Variants in WASHC4 observed in about 807,000 individuals in gnomAD.
The protein encoded by WASHC4 is WASH complex subunit 4.
In WASHC4, 86 loss-of-function variants were observed where a neutral mutation model predicts 166.6. That is an observed-to-expected ratio of 0.52 (90% CI 0.43 to 0.62). The LOEUF (loss-of-function observed/expected upper bound fraction) is 0.62. Ranked by LOEUF, WASHC4 falls within the 20% of genes least tolerant of loss-of-function variation. The probability of loss-of-function intolerance (pLI) is 0.00; values close to 1 mark genes in which losing one functional copy is unlikely to be tolerated. For missense variants in WASHC4, 1,262 were observed against 1,382.4 expected, an observed-to-expected ratio of 0.91 and a Z score of 1.38; for synonymous variants, 446 against 451.6, an observed-to-expected ratio of 0.99 and a Z score of 0.16.
intron 28 of WASHC4, 28 bp downstream of exon 28, chr12:105,157,350 G>C: frequency 7.7e-7 from 1 of 1,296,260 alleles, no homozygotes; most frequent in Non-Finnish European, 1.1e-6. Context: ...ATATAAAAAA[G>C]TGTGTTTATA....
chr12:105,120,824 A>T (rs1286104205), intron 8 of WASHC4, among the ~76,000 whole-genome samples: 1 of 152,186 alleles, frequency 6.6e-6, no homozygotes, highest in Non-Finnish European at 1.5e-5. Context: ...GCCGTAATGC[A>T]GATTCTCTAA....
At chr12:105,114,738 A>G (rs1268938670) in intron 4 of WASHC4, among the ~76,000 whole-genome samples, 2 of 152,094 alleles carry the variant, frequency 1.3e-5, no homozygotes, top group African/African-American at 4.8e-5. Flanking sequence ...ACAAACCTCC[A>G]GAGTTTGTGT....
chr12:105,159,242 G>T (rs79948267), intron 28 of WASHC4, among the ~76,000 whole-genome samples: 2,368 of 152,280 alleles, frequency 0.016, 18 homozygotes, highest in Non-Finnish European at 0.023. Context: ...CAGAGAGTAG[G>T]ATATTGTCTT....
chr12:105,161,494 A>G (rs1362526670), intron 29 of WASHC4, among the ~76,000 whole-genome samples: 3 of 152,244 alleles, frequency 2.0e-5, no homozygotes, highest in Non-Finnish European at 4.4e-5. Flanking sequence ...CATTGTAGAC[A>G]GCAGTTAACC....
intron 15 of WASHC4, among the ~76,000 whole-genome samples, chr12:105,138,215 T>G (rs1455451630): frequency 6.6e-6 from 1 of 151,914 alleles, no homozygotes; most frequent in Non-Finnish European, 1.5e-5. Flanking sequence ...TATTTAAACT[T>G]TATTAAATAA....
chr12:105,166,678 A>G (rs945633767), intron 32 of WASHC4, among the ~76,000 whole-genome samples, 186 bp from the exon 33 acceptor site: 2 of 152,214 alleles, frequency 1.3e-5, no homozygotes, highest in Admixed American at 1.3e-4. Flanking sequence ...TGCAGTGTTT[A>G]GCCTAGATTT....
intron 28 of WASHC4, among the ~76,000 whole-genome samples, chr12:105,157,950 CTG>C (rs1352519621): frequency 9.2e-5 from 14 of 152,056 alleles, no homozygotes; most frequent in African/African-American, 3.4e-4. Context: ...GTTTAGAAAA[CTG>C]TATGTTTTAT....
intron 13 of WASHC4, among the ~76,000 whole-genome samples, chr12:105,127,827 C>A (rs1290294470): frequency 6.6e-6 from 1 of 151,898 alleles, no homozygotes; most frequent in Non-Finnish European, 1.5e-5. Context: ...TTTGTTTCTT[C>A]TTTTTTTTAC....
chr12:105,127,950 T>G (rs768009528), intron 13 of WASHC4, among the ~76,000 whole-genome samples: 4 of 152,212 alleles, frequency 2.6e-5, no homozygotes, highest in Admixed American at 1.3e-4. Context: ...ATCACCCAGC[T>G]TCAACAATTA....
chr12:105,120,727 T>C, intron 8 of WASHC4, 130 bp downstream of exon 8: 1 of 705,342 alleles, frequency 1.4e-6, no homozygotes. Context: ...TGTGTGTTTG[T>C]GTGTGTTTGC....
At chr12:105,125,065 A>G (rs1367342933) in intron 10 of WASHC4, among the ~76,000 whole-genome samples, 1 of 152,230 alleles carries the variant, frequency 6.6e-6, no homozygotes, top group Non-Finnish European at 1.5e-5. Context: ...TGCTTTAAGC[A>G]GGTTCCACTC....
At chr12:105,158,964 G>A (rs1387253835) in intron 28 of WASHC4, among the ~76,000 whole-genome samples, 1 of 152,096 alleles carries the variant, frequency 6.6e-6, no homozygotes, top group East Asian at 1.9e-4. Context: ...AAAGTATATG[G>A]GAAAATGCAT....
At chr12:105,115,123 G>A (rs1227492600) in intron 4 of WASHC4, 61 bp from the exon 5 acceptor site, 18 of 829,976 alleles carry the variant, frequency 2.2e-5, no homozygotes, top group Non-Finnish European at 3.3e-5. Flanking sequence ...ATCTAAGAGA[G>A]CATAGGAATT....
intron 6 of WASHC4, among the ~76,000 whole-genome samples, chr12:105,117,973 T>C (rs1027925152): frequency 2.0e-5 from 3 of 152,210 alleles, no homozygotes; most frequent in African/African-American, 7.2e-5. Flanking sequence ...GTGATCAGTG[T>C]TTGAAGTTAT....
In WASHC4 at chr12:105,167,353, A is replaced by C; in HGVS notation, c.*422A>C. The stretch of plus-strand genomic sequence containing the variant: ...AGCCAGTAAATACATGCTTAACAAA[A>C]GGAATGAGCCTGAAGTTCATAAAGA... On this transcript the variant is annotated 3_prime_UTR_variant, in exon 33 of 33. Transcript: ENST00000332180. 1 of 175,886 alleles carries C rather than the reference A, an allele frequency of 5.7e-6. No individual in the cohort carries two copies. Among genetic ancestry groups the C allele is most frequent in the Non-Finnish European group, 1.2e-5 (1 of 81,114 alleles). 10.9% of individuals were successfully genotyped at this position (175,886 alleles called of 1,614,324 possible). A position where few individuals can be genotyped will look rare whatever the true frequency, so the allele number is the denominator to read the frequency against.
intron 1 of WASHC4, among the ~76,000 whole-genome samples, chr12:105,108,202 G>T: frequency 6.6e-6 from 1 of 152,200 alleles, no homozygotes; most frequent in East Asian, 1.9e-4. Flanking sequence ...ATCCCAGGCT[G>T]CTTCTGTCTC....
At chr12:105,141,498 C>T (rs544498303) in intron 18 of WASHC4, among the ~76,000 whole-genome samples, 27 of 152,248 alleles carry the variant, frequency 1.8e-4, no homozygotes, top group Non-Finnish European at 3.5e-4. Flanking sequence ...AGCATCTGGC[C>T]GACTTTGATG....
Position 105,166,896 on chromosome 12 carries a change from G to C in WASHC4, c.3487G>C (p.Asp1163His). The C allele has an allele frequency of 6.2e-7, 1 of 1,607,346 alleles. No homozygotes were observed. The highest frequency in any genetic ancestry group is 8.5e-7 in the Non-Finnish European group (1 of 1,177,170). Reference sequence around the variant, plus strand: ...TAAAACAAGCAATGGAGACCTGTCTGACAGCACTGTGTCTGCTGATCCTGT... The same window carrying C: ...TAAAACAAGCAATGGAGACCTGTCTCACAGCACTGTGTCTGCTGATCCTGT... ...ETKTSNGDLS[D>H]STVSADPVVK Residue 1163 changes from aspartate (D) to histidine (H), a missense_variant, in exon 33 of 33, where the codon GAC becomes CAC. Coordinates refer to ENST00000332180, the MANE Select transcript of WASHC4 (RefSeq NM_015275.3).
intron 1 of WASHC4, 89 bp from the exon 2 acceptor site, chr12:105,111,036 C>T: frequency 2.1e-6 from 2 of 930,534 alleles, no homozygotes; most frequent in South Asian, 2.7e-5. Flanking sequence ...ATTAACAGTG[C>T]TTTGCGTGAC....
Sources: allele counts gnomAD v4.1 joint callset (sites outside exome capture counted in the v4.1 genomes callset), GRCh38; gene constraint gnomAD v4.1.1; transcripts MANE v1.5; gene names NCBI Gene and HGNC (gene_info 2026-07-23, HGNC 2026-07-21).